Variants in SH2B1 observed in about 807,000 individuals in gnomAD.
The protein encoded by SH2B1 is SH2B adaptor protein 1, also known as SH2B adapter protein 1.
SH2B1 carries 15 observed loss-of-function variants against 62.6 expected under a neutral mutation model. The ratio of observed to expected loss-of-function variants is 0.24; its 90% confidence interval spans 0.16 to 0.37. SH2B1 has a LOEUF of 0.37. Ranked by LOEUF, SH2B1 falls within the 10% of genes least tolerant of loss-of-function variation. The pLI, the probability that SH2B1 is intolerant of heterozygous loss-of-function variation, is 1.00. For synonymous variants in SH2B1, 443 were observed against 438.0 expected (o/e 1.01, Z -0.14); for missense variants, 925 against 1,015.6 (o/e 0.91, Z 1.21).
rs1378692617 is a variant in SH2B1 at position 28,866,204 on chromosome 16, C to G, written c.110C>G (p.Ala37Gly). ...TTCTGTGAGTCCCACGCCCGGGCTGCGGCTCTGGACTTTGCCCGCCGTTTT... is the reference window on the plus strand; with the variant it reads ...TTCTGTGAGTCCCACGCCCGGGCTGGGGCTCTGGACTTTGCCCGCCGTTTT... ...REFCESHARA[A>G]ALDFARRFRL... is the part of the protein sequence containing the mutation. The change falls in exon 1 of 8, where the codon GCG (alanine) becomes GGG (glycine). Residue 37 changes from alanine (A) to glycine (G), a missense_variant. Around this residue, in one of 3 missense-constraint regions of SH2B1, gnomAD observed 683 missense variants for 704.0 expected, o/e 0.97. Coordinates refer to ENST00000684370, the MANE Select transcript of SH2B1 (RefSeq NM_001387430.1). The surrounding 1 kb of genome is among the most constrained non-coding windows in gnomAD (Gnocchi z 6.3). 1 of 1,598,474 alleles carries G rather than the reference C, an allele frequency of 6.3e-7. No homozygotes were observed. Among genetic ancestry groups the G allele is most frequent in the Non-Finnish European group, 8.5e-7 (1 of 1,174,552 alleles).
At position 28,873,602 on chromosome 16, in the gene SH2B1, G is replaced by A. The variant is rs769946270; in HGVS notation, c.2053G>A (p.Gly685Ser). Reference protein sequence around the residue: ...KERQEKEKAGGGGVPEELVPV... With the variant: ...KERQEKEKAGSGGVPEELVPV... ...GAGGCAAGAGAAAGAGAAAGCGGGC[G>A]GTGGAGGGGTCCCGGAAGAGCTGGT... Residue 685 changes from glycine (G) to serine (S), a missense_variant, in exon 8 of 8, where the codon GGT becomes AGT. Gly to Ser is a moderately conservative substitution (Grantham distance 56, BLOSUM62 0). Around this residue, in one of 3 missense-constraint regions of SH2B1, gnomAD observed 185 missense variants for 189.5 expected, o/e 0.98. Transcript: ENST00000684370. This position sits in a 1 kb window ranked among gnomAD's most constrained non-coding sequence, Gnocchi z 4.2. The A allele has an allele frequency of 1.1e-4, 167 of 1,555,098 alleles. No individual in the cohort carries two copies. The highest frequency in any genetic ancestry group is 2.4e-4 in the Admixed American group (12 of 50,662).
At chr16:28,863,609 G>A (rs911449700), upstream of SH2B1, 6 of 1,423,390 alleles carry the variant, frequency 4.2e-6, no homozygotes, top group African/African-American at 1.4e-5. Flanking sequence ...AATTTCCTCC[G>A]GGAGGACGCT....
chr16:28,865,691 C>G lies in SH2B1; in HGVS notation c.-404C>G, dbSNP rs544357762. 7.0e-6 allele frequency: 7 copies of G among 1,007,002 alleles called. No individual in the cohort carries two copies. The South Asian group carries it at 2.3e-4, about 33-fold the overall frequency. 62.4% of individuals were successfully genotyped at this position (1,007,002 alleles called of 1,614,324 possible). On this transcript the variant is annotated 5_prime_UTR_variant, in exon 1 of 8. Coordinates refer to ENST00000684370, the MANE Select transcript of SH2B1 (RefSeq NM_001387430.1). The stretch of plus-strand genomic sequence containing the variant: ...AGTGTGACATGAATATTGGAGGATC[C>G]GATGTAGAGGGGGGGTGATCTGGAA...
chr16:28,869,330 C>G lies in SH2B1; in HGVS notation c.1256C>G (p.Pro419Arg), dbSNP rs778484664. The G allele has an allele frequency of 6.2e-7, 1 of 1,614,134 alleles. No individual in the cohort carries two copies. The highest frequency in any genetic ancestry group is 1.7e-5 in the Admixed American group (1 of 60,000). ...LSCLNHSESL[P>R]SQDLLLGPSE... ...TGCCTGAATCACTCGGAGAGTCTAC[C>G]CAGCCAGGACCTGCTGCTTGGACCC... The change falls in exon 4 of 8, where the codon CCC (proline) becomes CGC (arginine). Residue 419 changes from proline (P) to arginine (R), a missense_variant. Coordinates refer to ENST00000684370, the MANE Select transcript of SH2B1 (RefSeq NM_001387430.1).
rs1383195421 is a variant in SH2B1 at position 28,864,494 on chromosome 16, T to C, written c.-1601T>C. The C allele has an allele frequency of 1.0e-6, 1 of 985,512 alleles. No homozygotes were observed. Among genetic ancestry groups the C allele is most frequent in the Non-Finnish European group, 1.2e-6 (1 of 830,020 alleles). 61.0% of individuals were successfully genotyped at this position (985,512 alleles called of 1,614,324 possible). ...CCTGCATCTCCTGATTGTTTCTCGT[T>C]GGTTTGGAGTTGTCCCTGCGGTTGG... On this transcript the variant is annotated 5_prime_UTR_variant, in exon 1 of 8. Coordinates refer to ENST00000684370, the MANE Select transcript of SH2B1 (RefSeq NM_001387430.1).
intron 1 of SH2B1, among the ~76,000 whole-genome samples, chr16:28,852,737 T>C (rs191142211): frequency 8.8e-5 from 5 of 57,014 alleles, no homozygotes; most frequent in African/African-American, 3.2e-4. Flanking sequence ...TATATATACA[T>C]ATATATATTT....
chr16:28,855,689 G>C lies in SH2B1; in HGVS notation c.-300-5929G>C, dbSNP rs549257917. On this transcript the variant is annotated intron_variant, in intron 1 of 10. Coordinates refer to the SH2B1 transcript ENST00000322610. ...GAGTCTTGTTCTGTCGCCCGGGCTG[G>C]AGTGCAGTGGAGCGATCTCCGCTCA... Among the ~76,000 whole-genome samples, 96 of 150,900 alleles carry C rather than the reference G, an allele frequency of 6.4e-4. 2 individuals carry two copies. Among genetic ancestry groups the C allele is most frequent in the Non-Finnish European group, 2.7e-4 (18 of 67,716 alleles).
Position 28,864,224 on chromosome 16 carries a change from C to T in SH2B1, c.-1871C>T, listed in dbSNP as rs1192595272. 17 of 1,019,132 alleles carry T rather than the reference C, an allele frequency of 1.7e-5. No homozygotes were observed. In the East Asian group the frequency reaches 5.2e-4, roughly 31 times the overall value. The allele number at this position is 1,019,132 out of a possible 1,614,324, so 63.1% of individuals were successfully genotyped here. A position where few individuals can be genotyped will look rare whatever the true frequency, so the allele number is the denominator to read the frequency against. On this transcript the variant is annotated 5_prime_UTR_variant, in exon 1 of 8. Coordinates refer to ENST00000684370, the MANE Select transcript of SH2B1 (RefSeq NM_001387430.1). ...CCGAGAGCGGAGCCTGCACCCTCCA[C>T]CTCCCGCCCTTCGGGAAATATCAGA... is the stretch of plus-strand genomic sequence containing the variant.
In SH2B1 at chr16:28,852,784, A is replaced by G. The variant is rs1480942354; in HGVS notation, c.-301+5957A>G. ...TATATATATATTTATATATATATTT[A>G]CATATATATTTACATATATATTTAC... On this transcript the variant is annotated intron_variant, in intron 1 of 10. Coordinates refer to the SH2B1 transcript ENST00000322610. Among the ~76,000 whole-genome samples the G allele has an allele frequency of 7.1e-5, 3 of 42,394 alleles. 1 individual carries two copies. 27.8% of individuals were successfully genotyped at this position (42,394 alleles called of 152,430 possible). A position where few individuals can be genotyped will look rare whatever the true frequency, so the allele number is the denominator to read the frequency against.
In SH2B1 at chr16:28,864,541, C is replaced by G; in HGVS notation, c.-1554C>G. 2 of 985,548 alleles carry G rather than the reference C, an allele frequency of 2.0e-6. No homozygotes were observed. The highest frequency in any genetic ancestry group is 1.2e-6 in the Non-Finnish European group (1 of 830,052). 61.1% of individuals were successfully genotyped at this position (985,548 alleles called of 1,614,324 possible). Reference sequence around the variant, plus strand: ...TTGGAGCCATCTGAGCTTGTAGGGTCGAGGCCCAGGAGGAAGGGGAGGGTT... The same window carrying G: ...TTGGAGCCATCTGAGCTTGTAGGGTGGAGGCCCAGGAGGAAGGGGAGGGTT... On this transcript the variant is annotated 5_prime_UTR_variant, in exon 1 of 8. Coordinates refer to ENST00000684370, the MANE Select transcript of SH2B1 (RefSeq NM_001387430.1).
chr16:28,853,478 C>T (rs1962253986), intron 1 of SH2B1, among the ~76,000 whole-genome samples: 2 of 149,136 alleles, frequency 1.3e-5, no homozygotes, highest in African/African-American at 4.9e-5. Flanking sequence ...GCTGAGATTA[C>T]AGGCATGAGC....
chr16:28,872,832 A>G lies in SH2B1; in HGVS notation c.1897+127A>G, dbSNP rs924437860. 7.9e-7 allele frequency: 1 copy of G among 1,262,702 alleles called. No individual in the cohort carries two copies. Among genetic ancestry groups the G allele is most frequent in the Non-Finnish European group, 1.1e-6 (1 of 886,360 alleles). The allele number at this position is 1,262,702 out of a possible 1,614,324, so 78.2% of individuals were successfully genotyped here. ...GAAGCTTTGCTTGGGAGAGCAGGGTAGAGGAGGCTGTTGTGCCTCGGGGTT... is the reference window on the plus strand; with the variant it reads ...GAAGCTTTGCTTGGGAGAGCAGGGTGGAGGAGGCTGTTGTGCCTCGGGGTT... On this transcript the variant is annotated intron_variant, in intron 7 of 7. Coordinates refer to ENST00000684370, the MANE Select transcript of SH2B1 (RefSeq NM_001387430.1). This position sits in a 1 kb window ranked among gnomAD's most constrained non-coding sequence, Gnocchi z 5.3.
chr16:28,857,826 G>A (rs1043454804), intron 1 of SH2B1, among the ~76,000 whole-genome samples: 16 of 150,600 alleles, frequency 1.1e-4, no homozygotes, highest in Admixed American at 7.3e-4. Context: ...TGCAAGCTCC[G>A]CCTCCTGGGT....
chr16:28,871,110 C>G (rs879569831), intron 4 of SH2B1, among the ~76,000 whole-genome samples: 1 of 151,870 alleles, frequency 6.6e-6, no homozygotes, highest in Non-Finnish European at 1.5e-5. Flanking sequence ...CTCTGCCTCC[C>G]GGGTTCAAGC....
chr16:28,863,615 A>G, upstream of SH2B1: 1 of 1,442,524 alleles, frequency 6.9e-7, no homozygotes, highest in Non-Finnish European at 9.4e-7. Flanking sequence ...CTCCGGGAGG[A>G]CGCTCTGGTG....
At position 28,852,758 on chromosome 16, in the gene SH2B1, GTATA is replaced by G. The variant is rs371764727; in HGVS notation, c.-301+5939_-301+5942del. On this transcript the variant is annotated intron_variant, in intron 1 of 10. Coordinates refer to the SH2B1 transcript ENST00000322610. The stretch of plus-strand genomic sequence containing the variant: ...TACATATATATATTTACATATATAT[GTATA>G]TATATATTTATATATATATTTACAT... 2.6e-4 allele frequency among the ~76,000 whole-genome samples: 10 copies of G among 38,114 alleles called. 1 individual carries two copies. Among genetic ancestry groups the G allele is most frequent in the East Asian group, 2.4e-3 (5 of 2,090 alleles). 25.0% of individuals were successfully genotyped at this position (38,114 alleles called of 152,430 possible).
chr16:28,861,797 C>T (rs1189117931), upstream of SH2B1: 3 of 152,184 alleles, frequency 2.0e-5, no homozygotes, highest in South Asian at 2.1e-4. Context: ...TATTTGTCTT[C>T]GAGTTCCAGG....
intron 1 of SH2B1, among the ~76,000 whole-genome samples, chr16:28,855,643 A>ATTTTTTTT (rs760328836): frequency 2.1e-5 from 3 of 140,434 alleles, no homozygotes; most frequent in East Asian, 2.1e-4. Context: ...TTATTTATTT[A>ATTTTTTTT]TTTATTTTTT....
chr16:28,849,107 T>G (rs1962045078), intron 1 of SH2B1, among the ~76,000 whole-genome samples: 1 of 152,136 alleles, frequency 6.6e-6, no homozygotes, highest in African/African-American at 2.4e-5. Flanking sequence ...ATAAACAGAT[T>G]TTGTTTTTGT....
Sources: allele counts gnomAD v4.1 joint callset (sites outside exome capture counted in the v4.1 genomes callset), GRCh38; gene constraint gnomAD v4.1.1; regional missense constraint gnomAD v4.1.1; non-coding constraint Gnocchi (gnomAD v3.1); transcripts MANE v1.5; gene names NCBI Gene and HGNC (gene_info 2026-07-23, HGNC 2026-07-21).